NDST3: variants seen among roughly 807,000 people sequenced by gnomAD.
The protein encoded by NDST3 is bifunctional heparan sulfate N-deacetylase/N-sulfotransferase 3.
NDST3 carries 58 observed loss-of-function variants against 96.1 expected under a neutral mutation model. The ratio of observed to expected loss-of-function variants is 0.60; its 90% CI spans 0.49 to 0.75. The LOEUF is 0.75. Ranked by LOEUF, NDST3 falls within the 30% of genes least tolerant of loss-of-function variation. NDST3 has a pLI of 0.00. For synonymous variants in NDST3, 333 were observed against 359.7 expected (o/e 0.93, Z 0.84); for missense variants, 788 against 1,034.2 (o/e 0.76, Z 3.27).
intron 6 of NDST3, among the ~76,000 whole-genome samples, chr4:118,209,564 T>A (rs1272596685): frequency 6.6e-6 from 1 of 152,242 alleles, no homozygotes. Flanking sequence ...TGTTAATTGA[T>A]CATCAATCTT....
At chr4:118,104,326 A>C (rs1356903950) in intron 2 of NDST3, among the ~76,000 whole-genome samples, 1 of 152,200 alleles carries the variant, frequency 6.6e-6, no homozygotes, top group African/African-American at 2.4e-5. Context: ...AAGGAGACAG[A>C]GAGAGGGAGT....
chr4:118,047,640 A>G (rs983760039), intron 1 of NDST3, among the ~76,000 whole-genome samples: 3 of 152,218 alleles, frequency 2.0e-5, no homozygotes, highest in Non-Finnish European at 4.4e-5. Context: ...CCAAACTGGG[A>G]AAAGAACTTC....
intron 12 of NDST3, among the ~76,000 whole-genome samples, chr4:118,249,035 T>C (rs1026442369): frequency 6.6e-6 from 1 of 152,184 alleles, no homozygotes; most frequent in Non-Finnish European, 1.5e-5. Context: ...AGGTGCCAGC[T>C]ACACACACAG....
At chr4:118,209,432 T>G (rs34804902) in intron 6 of NDST3, among the ~76,000 whole-genome samples, 7,859 of 152,234 alleles carry the variant, frequency 0.052, 288 homozygotes, top group Non-Finnish European at 0.083. Flanking sequence ...CAATTCAAAA[T>G]TAATCGAAAA....
At chr4:118,109,976 A>T (rs533544538) in intron 3 of NDST3, among the ~76,000 whole-genome samples, 1 of 152,178 alleles carries the variant, frequency 6.6e-6, no homozygotes, top group Non-Finnish European at 1.5e-5. Flanking sequence ...GTGCTTTGTT[A>T]AACACTTTTC....
intron 8 of NDST3, among the ~76,000 whole-genome samples, chr4:118,232,633 G>GA (rs1227838514): frequency 6.8e-4 from 95 of 139,686 alleles, no homozygotes; most frequent in Middle Eastern, 3.6e-3. Context: ...GTAAGATGCT[G>GA]AAAAAAAAAG....
chr4:118,231,269 G>A (rs1392258737), intron 8 of NDST3, among the ~76,000 whole-genome samples: 1 of 151,798 alleles, frequency 6.6e-6, no homozygotes, highest in African/African-American at 2.4e-5. Context: ...CCAGGAGGCA[G>A]AGGTTGCAGT....
intron 4 of NDST3, among the ~76,000 whole-genome samples, chr4:118,121,856 A>G (rs1731608555): frequency 6.6e-6 from 1 of 152,128 alleles, no homozygotes; most frequent in East Asian, 1.9e-4. Flanking sequence ...AGTACTGCAA[A>G]ATGTATTCTC....
intron 8 of NDST3, among the ~76,000 whole-genome samples, chr4:118,227,998 T>G (rs930496056): frequency 1.3e-5 from 2 of 152,164 alleles, no homozygotes; most frequent in African/African-American, 4.8e-5. Flanking sequence ...ATATCCTGCA[T>G]GATAAATTAT....
intron 6 of NDST3, among the ~76,000 whole-genome samples, chr4:118,162,691 A>C (rs868241765): frequency 6.7e-5 from 10 of 148,492 alleles, no homozygotes; most frequent in African/African-American, 2.0e-4. Context: ...TAGGCATGGG[A>C]AAGGACTTCA....
intron 2 of NDST3, among the ~76,000 whole-genome samples, chr4:118,096,166 G>A (rs1175798410): frequency 6.6e-6 from 1 of 151,850 alleles, no homozygotes; most frequent in Non-Finnish European, 1.5e-5. Flanking sequence ...CAAAGGGGCT[G>A]AACCACATTA....
At chr4:118,201,114 A>G (rs921727103) in intron 6 of NDST3, among the ~76,000 whole-genome samples, 3 of 152,184 alleles carry the variant, frequency 2.0e-5, no homozygotes, top group African/African-American at 7.2e-5. Flanking sequence ...AAAGGCCATG[A>G]TTTCATTTTT....
At chr4:118,154,286 T>C (rs1427944266) in intron 6 of NDST3, among the ~76,000 whole-genome samples, 1 of 152,208 alleles carries the variant, frequency 6.6e-6, no homozygotes, top group African/African-American at 2.4e-5. Context: ...TGTGTGTGCA[T>C]CTTTTCTACT....
intron 6 of NDST3, among the ~76,000 whole-genome samples, chr4:118,187,620 G>T (rs6824418): frequency 0.062 from 9,363 of 152,076 alleles, 607 homozygotes; most frequent in African/African-American, 0.16. Flanking sequence ...ACCCCAAGAG[G>T]GCACATAAGA....
intron 6 of NDST3, among the ~76,000 whole-genome samples, chr4:118,161,120 T>C (rs145904717): frequency 0.028 from 4,251 of 152,270 alleles, 218 homozygotes; most frequent in African/African-American, 0.097. Flanking sequence ...TCTGTTGGAG[T>C]TTGCTAGAGG....
chr4:118,086,670 G>A (rs1728449110), intron 2 of NDST3, among the ~76,000 whole-genome samples: 1 of 152,064 alleles, frequency 6.6e-6, no homozygotes, highest in South Asian at 2.1e-4. Flanking sequence ...TAACTCGCAG[G>A]ACATCAGGCC....
At chr4:118,190,864 T>C (rs2125964870) in intron 6 of NDST3, among the ~76,000 whole-genome samples, 1 of 152,342 alleles carries the variant, frequency 6.6e-6, no homozygotes, top group Non-Finnish European at 1.5e-5. Flanking sequence ...TTCAATTGTA[T>C]TTTGAAGTCA....
In NDST3 at chr4:118,054,146, C is replaced by G. The variant is rs369765753; in HGVS notation, c.236C>G (p.Thr79Arg). 7 of 1,612,864 alleles carry G rather than the reference C, an allele frequency of 4.3e-6. No homozygotes were observed. The highest frequency in any genetic ancestry group is 5.9e-6 in the Non-Finnish European group (7 of 1,179,370). Residue 79 changes from threonine (T) to arginine (R), a missense_variant, in exon 2 of 14, where the codon ACA becomes AGA. Thr to Arg is a moderately conservative substitution (Grantham distance 71). Transcript: ENST00000296499. Reference protein sequence around the residue: ...KLFDASRTDPTVLVFVESQYS... With the variant: ...KLFDASRTDPRVLVFVESQYS... ...TTTGATGCCTCAAGGACAGACCCCA[C>G]AGTCCTAGTATTTGTAGAGAGCCAG...
In NDST3 at chr4:118,242,072, T is replaced by C. The variant is rs111584781; in HGVS notation, c.2322T>C (p.Thr774=). 1 of 1,612,910 alleles carries C rather than the reference T, an allele frequency of 6.2e-7. No individual in the cohort carries two copies. Among genetic ancestry groups the C allele is most frequent in the Non-Finnish European group, 8.5e-7 (1 of 1,179,268 alleles). Residue 774 remains threonine, a synonymous_variant, in exon 12 of 14, where the codon ACT becomes ACC. Coordinates refer to ENST00000296499, the MANE Select transcript of NDST3 (RefSeq NM_004784.3). ...TTATTGATGGGCAACAACTAAGAAC[T>C]GATCCTGCTACAGTGATGGATGAAG... is the stretch of plus-strand genomic sequence containing the variant. ...LLIIDGQQLR[T]DPATVMDEVQ... is the part of the protein sequence containing the mutation.
Sources: allele counts gnomAD v4.1 joint callset (sites outside exome capture counted in the v4.1 genomes callset), GRCh38; gene constraint gnomAD v4.1.1; transcripts MANE v1.5; gene names NCBI Gene and HGNC (gene_info 2026-07-23, HGNC 2026-07-21).